PLCB1: variants seen among roughly 807,000 people sequenced by gnomAD.
PLCB1 encodes 1-phosphatidylinositol 4,5-bisphosphate phosphodiesterase beta-1.
Under a neutral mutation model 161.8 loss-of-function variants are expected in PLCB1, and 46 were observed. The observed-to-expected ratio is 0.28, with a 90% confidence interval of 0.22 to 0.36. The LOEUF (loss-of-function observed/expected upper bound fraction) is 0.36. Among genes scored for constraint, PLCB1 ranks in the 10% least tolerant of loss-of-function variants. The pLI is 1.00. For missense variants in PLCB1, 1,016 were observed against 1,472.5 expected, an observed-to-expected ratio of 0.69 and a Z score of 5.07; for synonymous variants, 517 against 503.7, an observed-to-expected ratio of 1.03 and a Z score of -0.35.
chr20:8,726,412 G>A (rs1030698930), intron 16 of PLCB1, among the ~76,000 whole-genome samples: 4 of 152,034 alleles, frequency 2.6e-5, no homozygotes, highest in Non-Finnish European at 5.9e-5. Context: ...TTCTCGTGCT[G>A]CTATGAAGAA....
At chr20:8,390,539 A>G (rs926554541) in intron 3 of PLCB1, among the ~76,000 whole-genome samples, 7 of 152,170 alleles carry the variant, frequency 4.6e-5, no homozygotes, top group Non-Finnish European at 1.0e-4. Flanking sequence ...GCTTCTTTAT[A>G]AGGAGTAGCA....
chr20:8,304,270 G>T (rs1984029852), intron 2 of PLCB1, among the ~76,000 whole-genome samples: 1 of 152,074 alleles, frequency 6.6e-6, no homozygotes, highest in African/African-American at 2.4e-5. Context: ...GTCCTTAAAG[G>T]TCAGCTGTTT....
chr20:8,684,454 A>G (rs59003148), intron 9 of PLCB1, among the ~76,000 whole-genome samples: 4,522 of 150,196 alleles, frequency 0.03, 231 homozygotes, highest in African/African-American at 0.1. Context: ...AGACTTCGCC[A>G]TATTGGCCAG....
intron 2 of PLCB1, among the ~76,000 whole-genome samples, chr20:8,287,583 A>G (rs1281255238): frequency 1.3e-5 from 2 of 152,202 alleles, no homozygotes; most frequent in African/African-American, 2.4e-5. Flanking sequence ...CAAGGCAGGC[A>G]TGTTCCCCGC....
intron 3 of PLCB1, among the ~76,000 whole-genome samples, chr20:8,387,613 G>T (rs1462379550): frequency 6.6e-6 from 1 of 152,124 alleles, no homozygotes; most frequent in Non-Finnish European, 1.5e-5. Context: ...TTGTAAAAAT[G>T]GCACCAACAG....
intron 2 of PLCB1, among the ~76,000 whole-genome samples, chr20:8,193,197 C>T (rs1182703237): frequency 6.6e-6 from 1 of 151,902 alleles, no homozygotes. Context: ...ATTACACTAC[C>T]TATAGGAGGG....
chr20:8,180,569 T>G (rs1425643193), intron 2 of PLCB1, among the ~76,000 whole-genome samples: 1 of 152,162 alleles, frequency 6.6e-6, no homozygotes, highest in Admixed American at 6.5e-5. Context: ...GAGTTGAATT[T>G]GGTTGAATTT....
intron 2 of PLCB1, among the ~76,000 whole-genome samples, chr20:8,266,285 G>A (rs1981952331): frequency 6.6e-6 from 1 of 152,084 alleles, no homozygotes; most frequent in Non-Finnish European, 1.5e-5. Context: ...TTAGCTTGTT[G>A]GTTTCATTTG....
intron 3 of PLCB1, among the ~76,000 whole-genome samples, chr20:8,486,571 C>G (rs1443862297): frequency 2.8e-5 from 4 of 142,184 alleles, no homozygotes; most frequent in Non-Finnish European, 6.0e-5. Context: ...TCTCGGCTCA[C>G]TGCAAGCTCC....
intron 3 of PLCB1, among the ~76,000 whole-genome samples, chr20:8,584,475 CACACACAG>C (rs1022598722): frequency 1.6e-4 from 21 of 128,404 alleles, no homozygotes; most frequent in Admixed American, 8.0e-4. Context: ...CACACATACA[CACACACAG>C]ACACACACAC....
chr20:8,260,088 CTTTTTTTTTCT>C (rs1981618372), intron 2 of PLCB1, among the ~76,000 whole-genome samples: 1 of 149,530 alleles, frequency 6.7e-6, no homozygotes, highest in Admixed American at 6.7e-5. Flanking sequence ...TTTCTTGTTT[CTTTTTTTTTCT>C]TTTTTTTTTC....
intron 3 of PLCB1, among the ~76,000 whole-genome samples, chr20:8,530,858 A>AAC (rs1984785835): frequency 6.6e-6 from 1 of 152,098 alleles, no homozygotes; most frequent in Non-Finnish European, 1.5e-5. Context: ...TTCCAGTTGT[A>AAC]ACAATAGTTT....
intron 3 of PLCB1, among the ~76,000 whole-genome samples, chr20:8,572,794 G>A (rs991720318): frequency 1.3e-5 from 2 of 152,120 alleles, no homozygotes; most frequent in Non-Finnish European, 2.9e-5. Flanking sequence ...TCTGAGTACT[G>A]GGCCCTGTGT....
At chr20:8,564,115 C>T (rs1197304212) in intron 3 of PLCB1, among the ~76,000 whole-genome samples, 1 of 152,120 alleles carries the variant, frequency 6.6e-6, no homozygotes, top group Non-Finnish European at 1.5e-5. Flanking sequence ...GCTACAGTAA[C>T]CAAACAGTGT....
chr20:8,871,123 A>G (rs1041630084), intron 31 of PLCB1, among the ~76,000 whole-genome samples: 11 of 152,234 alleles, frequency 7.2e-5, no homozygotes, highest in African/African-American at 2.7e-4. Flanking sequence ...ATAGATTATG[A>G]AAACAGAGTA....
At chr20:8,554,097 G>A (rs1985868557) in intron 3 of PLCB1, among the ~76,000 whole-genome samples, 1 of 148,778 alleles carries the variant, frequency 6.7e-6, no homozygotes, top group South Asian at 2.1e-4. Context: ...AAAAAAAACA[G>A]TAGTAAGGCC....
intron 3 of PLCB1, among the ~76,000 whole-genome samples, chr20:8,405,808 C>CACTT: frequency 6.6e-6 from 1 of 152,302 alleles, no homozygotes; most frequent in South Asian, 2.1e-4. Context: ...TTAATACTGT[C>CACTT]ACTTCCTACT....
intron 2 of PLCB1, among the ~76,000 whole-genome samples, chr20:8,353,880 T>C (rs1483139314): frequency 6.6e-6 from 1 of 152,092 alleles, no homozygotes; most frequent in Non-Finnish European, 1.5e-5. Context: ...AAAGTATCAA[T>C]ATTGGTATAT....
intron 2 of PLCB1, among the ~76,000 whole-genome samples, chr20:8,343,136 T>C (rs2719776): frequency 0.38 from 57,227 of 152,066 alleles, 11,216 homozygotes; most frequent in South Asian, 0.49. Flanking sequence ...ACTTAATGTG[T>C]GTACCAAGCA....
Sources: gnomAD v4.1 joint callset for allele counts (sites outside exome capture counted in the v4.1 genomes callset) on GRCh38, gnomAD v4.1.1 for gene constraint, MANE v1.5 for transcripts, NCBI Gene and HGNC (gene_info 2026-07-23, HGNC 2026-07-21) for gene names.